The following CCDC30 variants were observed in gnomAD, a reference collection of about 807,000 sequenced individuals.
The protein encoded by CCDC30 is coiled-coil domain containing 30.
In CCDC30, 70 loss-of-function variants were observed where a neutral mutation model predicts 100.2. The ratio of observed to expected loss-of-function variants is 0.70; its 90% CI spans 0.58 to 0.85. The LOEUF (loss-of-function observed/expected upper bound fraction) is 0.85. CCDC30 is among the 40% of genes least tolerant of loss of function. The pLI is 0.00. For missense variants in CCDC30, 652 were observed against 771.2 expected, an observed-to-expected ratio of 0.85 and a Z score of 1.83; for synonymous variants, 233 against 269.5, an observed-to-expected ratio of 0.86 and a Z score of 1.33.
chr1:42,556,062 G>A, intron 6 of CCDC30, 94 bp from the exon 10 acceptor site: 1 of 1,246,386 alleles, frequency 8.0e-7, no homozygotes, highest in East Asian at 2.4e-5. Context: ...TGAAAATCTT[G>A]TTTGCAACAC....
intron 11 of CCDC30, among the ~76,000 whole-genome samples, chr1:42,633,913 G>T (rs1329331664): frequency 2.6e-5 from 4 of 152,092 alleles, no homozygotes; most frequent in Admixed American, 2.0e-4. Context: ...GTGGCACAAG[G>T]AGAAGCAAAC....
intron 10 of CCDC30, among the ~76,000 whole-genome samples, chr1:42,601,550 C>G (rs1371097285): frequency 2.0e-5 from 3 of 152,172 alleles, no homozygotes; most frequent in Non-Finnish European, 4.4e-5. Flanking sequence ...ACACCCCTAA[C>G]CACAATCCAG....
At chr1:42,583,218 C>A (rs1245002405) in intron 9 of CCDC30, among the ~76,000 whole-genome samples, 1 of 152,166 alleles carries the variant, frequency 6.6e-6, no homozygotes, top group Admixed American at 6.5e-5. Context: ...ATTAAAGCAT[C>A]AATGACTTCA....
At chr1:42,651,445 C>T (rs1430469577) in intron 15 of CCDC30, among the ~76,000 whole-genome samples, 1 of 150,786 alleles carries the variant, frequency 6.6e-6, no homozygotes, top group Admixed American at 6.6e-5. Context: ...CAAAAAAAGA[C>T]ATACAAATGG....
intron 5 of CCDC30, among the ~76,000 whole-genome samples, 167 bp from the exon 6 acceptor site, chr1:42,498,651 C>T (rs781060667): frequency 4.6e-5 from 7 of 151,794 alleles, no homozygotes; most frequent in Non-Finnish European, 8.8e-5. Context: ...AAAGGGAGGA[C>T]CAGTTGTGAT....
chr1:42,593,065 T>G (rs896436910), intron 10 of CCDC30: 22 of 152,322 alleles, frequency 1.4e-4, no homozygotes, highest in African/African-American at 5.1e-4. Context: ...ACCAACTGGA[T>G]GTACAAAAAT....
intron 11 of CCDC30, among the ~76,000 whole-genome samples, chr1:42,634,678 T>G (rs959015701): frequency 5.3e-5 from 8 of 152,230 alleles, no homozygotes; most frequent in African/African-American, 1.9e-4. Context: ...TTTGTTTCTT[T>G]GGTTTTTTAA....
chr1:42,642,341 G>C, intron 12 of CCDC30, 132 bp from the exon 17 acceptor site: 1 of 670,012 alleles, frequency 1.5e-6, no homozygotes, highest in Admixed American at 3.1e-5. Flanking sequence ...CAAACAGATA[G>C]AAACAGACTA....
chr1:42,601,711 C>T (rs1570209180), intron 10 of CCDC30, among the ~76,000 whole-genome samples: 1 of 152,064 alleles, frequency 6.6e-6, no homozygotes, highest in Admixed American at 6.6e-5. Flanking sequence ...CCTAGAAAGA[C>T]AAAAAGAAGC....
chr1:42,628,946 A>G (rs907466789), intron 11 of CCDC30, among the ~76,000 whole-genome samples: 5 of 152,016 alleles, frequency 3.3e-5, no homozygotes, highest in Admixed American at 6.6e-5. Context: ...TCATCCCTCC[A>G]CTTTTAAACT....
chr1:42,465,179 G>C (rs1205294375), intron 1 of CCDC30, among the ~76,000 whole-genome samples: 1 of 152,114 alleles, frequency 6.6e-6, no homozygotes, highest in Non-Finnish European at 1.5e-5. Flanking sequence ...AGGCATGGTG[G>C]AGCACTCCTG....
At position 42,653,992 on chromosome 1, in the gene CCDC30, TG is replaced by T. The variant is rs1648566802; in HGVS notation, c.2099del (p.Gly700ValfsTer17). On this transcript the variant is annotated frameshift_variant, in exon 17 of 17. Transcript: ENST00000668663. LOFTEE classifies it high-confidence loss of function. ...ATGTGGCTTCTCTGAAGGAGACACA[TG>T]GTATACAAGAACAAGACCAAAAGTC... is the stretch of plus-strand genomic sequence containing the variant. The T allele has an allele frequency of 6.2e-7, 1 of 1,613,952 alleles. No individual in the cohort carries two copies.
intron 6 of CCDC30, among the ~76,000 whole-genome samples, chr1:42,552,674 A>G (rs1399990910): frequency 1.3e-5 from 2 of 152,172 alleles, no homozygotes; most frequent in Non-Finnish European, 2.9e-5. Context: ...GAGGATGGGA[A>G]TTCCTTTTCT....
intron 11 of CCDC30, among the ~76,000 whole-genome samples, chr1:42,630,131 C>T (rs933469074): frequency 2.6e-5 from 4 of 152,028 alleles, no homozygotes; most frequent in African/African-American, 9.7e-5. Context: ...TGTACCACTA[C>T]ACCCAGCTAA....
At chr1:42,643,841 T>C (rs866844588) in intron 13 of CCDC30, among the ~76,000 whole-genome samples, 4 of 152,220 alleles carry the variant, frequency 2.6e-5, no homozygotes, top group Non-Finnish European at 5.9e-5. Flanking sequence ...CTGCTGCTGC[T>C]ACCACTATTT....
chr1:42,535,012 C>A (rs541282154), intron 6 of CCDC30: 2 of 152,182 alleles, frequency 1.3e-5, no homozygotes, highest in African/African-American at 4.8e-5. Context: ...GGATAATTTT[C>A]AGTTACGTTT....
At chr1:42,519,387 A>T (rs1318329583) in intron 6 of CCDC30, among the ~76,000 whole-genome samples, 1 of 152,222 alleles carries the variant, frequency 6.6e-6, no homozygotes, top group Non-Finnish European at 1.5e-5. Context: ...GTTTGGTAGA[A>T]TTCACTAATG....
At chr1:42,599,797 A>G (rs972363326) in intron 10 of CCDC30, among the ~76,000 whole-genome samples, 4 of 152,210 alleles carry the variant, frequency 2.6e-5, no homozygotes, top group Admixed American at 1.3e-4. Flanking sequence ...AGAGTAAGGG[A>G]AGTGTATTAG....
rs367603377 is a variant in CCDC30, at chr1:42,642,022, G to A, written c.1420-451G>A. On this transcript the variant is annotated intron_variant, in intron 12 of 16. Coordinates refer to ENST00000668663, the Ensembl canonical transcript of CCDC30. The stretch of plus-strand genomic sequence containing the variant: ...GGGCGGATCACAAGGTCAGGAGATC[G>A]AGACCATCCTGGCTAACACGGTGAA... Among the ~76,000 whole-genome samples, 948 of 152,150 alleles carry A rather than the reference G, an allele frequency of 6.2e-3. 1 individual carries two copies. The highest frequency in any genetic ancestry group is 0.01 in the Non-Finnish European group (680 of 67,994).
Sources: gnomAD v4.1 joint callset for allele counts (sites outside exome capture counted in the v4.1 genomes callset) on GRCh38, gnomAD v4.1.1 for gene constraint, MANE v1.5 for transcripts, NCBI Gene and HGNC (gene_info 2026-07-23, HGNC 2026-07-21) for gene names.